SH3GL3: variants seen among roughly 807,000 people sequenced by gnomAD.
The protein encoded by SH3GL3 is endophilin-A3.
A neutral mutation model predicts 47.7 loss-of-function variants in SH3GL3; 33 were observed. The observed-to-expected ratio is 0.69, with a 90% CI of 0.52 to 0.92. The LOEUF (loss-of-function observed/expected upper bound fraction) is 0.92, where lower values mean the gene tolerates loss of function less well. Among genes scored for constraint, SH3GL3 ranks in the 40% least tolerant of loss-of-function variants. SH3GL3 has a pLI of 0.00. For synonymous variants in SH3GL3, 155 were observed against 148.8 expected, an observed-to-expected ratio of 1.04 and a Z score of -0.30; for missense variants, 363 against 417.8, an observed-to-expected ratio of 0.87 and a Z score of 1.14.
At chr15:83,483,156 T>A (rs1225758933) in intron 1 of SH3GL3, among the ~76,000 whole-genome samples, 2 of 152,194 alleles carry the variant, frequency 1.3e-5, no homozygotes, top group Non-Finnish European at 2.9e-5. Context: ...GTGGCTCTAG[T>A]GTGTCTAGTT....
chr15:83,618,269 C>A lies in SH3GL3; in HGVS notation c.1026C>A (p.Ile342=). Residue 342 remains isoleucine (I), a synonymous_variant, in exon 9 of 9, where the codon ATC becomes ATA. Coordinates refer to ENST00000427482, the MANE Select transcript of SH3GL3 (RefSeq NM_003027.5). ...TCCCCATTAATTACGTGGAAGTGAT[C>A]GTGCCTTTACCTCAGTAAATGTGTA... The part of the protein sequence containing the change: ...GFFPINYVEV[I]VPLPQ The A allele has an allele frequency of 6.2e-7, 1 of 1,605,532 alleles. No homozygotes were observed. Among genetic ancestry groups the A allele is most frequent in the Non-Finnish European group, 8.5e-7 (1 of 1,172,236 alleles).
At chr15:83,521,874 A>G (rs543899753) in intron 1 of SH3GL3, among the ~76,000 whole-genome samples, 14 of 152,210 alleles carry the variant, frequency 9.2e-5, no homozygotes, top group African/African-American at 3.4e-4. Flanking sequence ...TTAATTTCCA[A>G]AATCAAGCTG....
At chr15:83,567,861 A>T (rs2045626435) in intron 3 of SH3GL3, among the ~76,000 whole-genome samples, 1 of 152,180 alleles carries the variant, frequency 6.6e-6, no homozygotes, top group South Asian at 2.1e-4. Context: ...TTCACGTGTC[A>T]GCAACTGCAA....
intron 8 of SH3GL3, among the ~76,000 whole-genome samples, chr15:83,610,037 G>A (rs1727052630): frequency 1.3e-5 from 2 of 152,212 alleles, no homozygotes; most frequent in Admixed American, 6.5e-5. Flanking sequence ...TAAGTGCCTG[G>A]AAGTTATCCC....
chr15:83,602,840 G>T (rs980823512), intron 8 of SH3GL3, among the ~76,000 whole-genome samples: 4 of 152,110 alleles, frequency 2.6e-5, no homozygotes, highest in Non-Finnish European at 4.4e-5. Context: ...TCCTAGATTT[G>T]CTCTCTGAGA....
chr15:83,534,741 T>C (rs2043830797), intron 1 of SH3GL3, among the ~76,000 whole-genome samples: 2 of 152,198 alleles, frequency 1.3e-5, no homozygotes, highest in South Asian at 2.1e-4. Flanking sequence ...GAAATTGCAA[T>C]ATTTCCAGAG....
chr15:83,554,634 C>T lies in SH3GL3; in HGVS notation c.46-4619C>T, dbSNP rs187035841. ...AACACCTGACCTCAGGTGATCCACC[C>T]GCCTCAACCTCCCAAAGTGCTGGGA... is the stretch of plus-strand genomic sequence containing the variant. On this transcript the variant is annotated intron_variant, in intron 1 of 8. Transcript: ENST00000427482. Among the ~76,000 whole-genome samples the T allele has an allele frequency of 2.7e-3, 413 of 152,204 alleles. 4 individuals carry two copies. Among genetic ancestry groups the T allele is most frequent in the African/African-American group, 9.1e-3 (376 of 41,528 alleles).
intron 1 of SH3GL3, among the ~76,000 whole-genome samples, chr15:83,470,800 T>C (rs1351332871): frequency 1.3e-5 from 2 of 152,166 alleles, no homozygotes; most frequent in Non-Finnish European, 2.9e-5. Context: ...CTCTTTGTAC[T>C]GCAGTTGTCG....
chr15:83,533,919 T>A (rs1253531178), intron 1 of SH3GL3, among the ~76,000 whole-genome samples: 1 of 152,220 alleles, frequency 6.6e-6, no homozygotes, highest in African/African-American at 2.4e-5. Flanking sequence ...ACGTTTTTAT[T>A]TCTGGTGGTA....
chr15:83,616,291 C>G (rs527523622), intron 8 of SH3GL3, among the ~76,000 whole-genome samples: 1 of 121,168 alleles, frequency 8.3e-6, no homozygotes, highest in Non-Finnish European at 1.6e-5. Flanking sequence ...CTTGCTCTGT[C>G]CCCCAGGCTG....
At chr15:83,507,683 G>A (rs2042570760) in intron 1 of SH3GL3, among the ~76,000 whole-genome samples, 1 of 151,956 alleles carries the variant, frequency 6.6e-6, no homozygotes, top group Non-Finnish European at 1.5e-5. Flanking sequence ...CAAAAGTGCT[G>A]GGATTACAGG....
chr15:83,619,060 T>C (rs1386362504), downstream of SH3GL3, among the ~76,000 whole-genome samples: 1 of 152,238 alleles, frequency 6.6e-6, no homozygotes, highest in Non-Finnish European at 1.5e-5. Context: ...CAAGAGTTGA[T>C]TGAGTCCCCA....
rs114495288 is a variant in SH3GL3 at position 83,569,862 on chromosome 15, T to C, written c.331+1190T>C. Among the ~76,000 whole-genome samples the C allele has an allele frequency of 3.4e-3, 514 of 152,286 alleles. 4 individuals are homozygous for C. Among genetic ancestry groups the C allele is most frequent in the African/African-American group, 9.9e-3 (410 of 41,520 alleles). ...GCTTTTGCATCAGGAGGTCCATTTT[T>C]TCCCCCCTGTCTCATGAGCTCTTTA... is the stretch of plus-strand genomic sequence containing the variant. On this transcript the variant is annotated intron_variant, in intron 4 of 8. Transcript: ENST00000427482.
chr15:83,552,789 T>C (rs1336093091), intron 1 of SH3GL3, among the ~76,000 whole-genome samples: 3 of 152,250 alleles, frequency 2.0e-5, no homozygotes, highest in Non-Finnish European at 4.4e-5. Context: ...AGTTTTCTGA[T>C]GGAGTTGTGT....
intron 1 of SH3GL3, among the ~76,000 whole-genome samples, chr15:83,499,147 A>G (rs1415874577): frequency 6.6e-6 from 1 of 152,030 alleles, no homozygotes; most frequent in Non-Finnish European, 1.5e-5. Context: ...TTTTATACAT[A>G]TCTTGCCTCT....
At chr15:83,531,822 G>T (rs1389030385) in intron 1 of SH3GL3, among the ~76,000 whole-genome samples, 1 of 152,022 alleles carries the variant, frequency 6.6e-6, no homozygotes, top group Non-Finnish European at 1.5e-5. Flanking sequence ...TAACACTTGG[G>T]GTGGTGTGTG....
At chr15:83,595,572 T>C (rs1404078444) in intron 8 of SH3GL3, among the ~76,000 whole-genome samples, 2 of 150,886 alleles carry the variant, frequency 1.3e-5, no homozygotes, top group East Asian at 3.9e-4. Context: ...GATCTTGGTC[T>C]GCTGGCTGAG....
chr15:83,569,580 C>T (rs1020914037), intron 4 of SH3GL3, among the ~76,000 whole-genome samples: 1 of 152,046 alleles, frequency 6.6e-6, no homozygotes, highest in African/African-American at 2.4e-5. Flanking sequence ...AAGCATATTC[C>T]CAACCTACCC....
At chr15:83,531,947 G>T (rs1309101845) in intron 1 of SH3GL3, among the ~76,000 whole-genome samples, 1 of 152,124 alleles carries the variant, frequency 6.6e-6, no homozygotes, top group Non-Finnish European at 1.5e-5. Context: ...GTTTTTATTT[G>T]GAAGGTGTTG....
Sources: gnomAD v4.1 joint callset for allele counts (sites outside exome capture counted in the v4.1 genomes callset) on GRCh38, gnomAD v4.1.1 for gene constraint, MANE v1.5 for transcripts, NCBI Gene and HGNC (gene_info 2026-07-23, HGNC 2026-07-21) for gene names.